Variants in PIBF1 observed in about 807,000 individuals in gnomAD.
PIBF1 encodes progesterone-induced-blocking factor 1.
A neutral mutation model predicts 112.5 loss-of-function variants in PIBF1; 90 were observed. That is an observed-to-expected ratio of 0.80 (90% CI 0.67 to 0.95). PIBF1 has a LOEUF of 0.95. Ranked by LOEUF, PIBF1 falls within the 40% of genes least tolerant of loss-of-function variation. The pLI is 0.00. For synonymous variants in PIBF1, 301 were observed against 288.6 expected (o/e 1.04, Z -0.44); for missense variants, 915 against 852.3 (o/e 1.07, Z -0.92).
chr13:72,833,866 G>C (rs1435166932), intron 8 of PIBF1, among the ~76,000 whole-genome samples: 5 of 152,128 alleles, frequency 3.3e-5, no homozygotes, highest in Non-Finnish European at 7.3e-5. Context: ...CCTTTCCCCA[G>C]GTGCTCTGTC....
chr13:72,863,025 T>C (rs1199784728), intron 10 of PIBF1, among the ~76,000 whole-genome samples: 1 of 152,196 alleles, frequency 6.6e-6, no homozygotes, highest in African/African-American at 2.4e-5. Context: ...AGAAATAGTG[T>C]TTGTACATAT....
At chr13:72,849,188 T>A (rs972954294) in intron 9 of PIBF1, among the ~76,000 whole-genome samples, 2 of 152,212 alleles carry the variant, frequency 1.3e-5, no homozygotes, top group Non-Finnish European at 2.9e-5. Context: ...GGAAACAACA[T>A]GAAAGAATCA....
rs375926172 is a variant in PIBF1 at position 72,790,159 on chromosome 13, G to T, written c.253-2288G>T. Among the ~76,000 whole-genome samples, 16 of 152,040 alleles carry T rather than the reference G, an allele frequency of 1.1e-4. No individual in the cohort carries two copies. The East Asian group carries it at 3.1e-3, about 29-fold the overall frequency. On this transcript the variant is annotated intron_variant, in intron 2 of 17. Transcript: ENST00000326291. ...AGACTATGTAGTCAGAAAAGCTATTGGCAAAGTTTAGCAGTTAAGAGTTAC... is the reference window on the plus strand; with the variant it reads ...AGACTATGTAGTCAGAAAAGCTATTTGCAAAGTTTAGCAGTTAAGAGTTAC...
At chr13:72,874,054 AC>A (rs2039290322) in intron 10 of PIBF1, among the ~76,000 whole-genome samples, 2 of 152,178 alleles carry the variant, frequency 1.3e-5, no homozygotes, top group Non-Finnish European at 2.9e-5. Context: ...TACCACTACA[AC>A]CACTAGAATG....
intron 17 of PIBF1, among the ~76,000 whole-genome samples, chr13:73,013,097 C>T (rs1465749229): frequency 2.7e-5 from 4 of 149,560 alleles, no homozygotes; most frequent in South Asian, 2.1e-4. Context: ...GTCAGGAGAT[C>T]GAGACCATCC....
At chr13:72,985,679 G>C (rs916137100) in intron 16 of PIBF1, among the ~76,000 whole-genome samples, 1 of 152,172 alleles carries the variant, frequency 6.6e-6, no homozygotes, top group Non-Finnish European at 1.5e-5. Flanking sequence ...CACTGATCCC[G>C]TATCAAGGAG....
rs1186108308 is a variant in PIBF1, at chr13:72,848,985, C to A, written c.1224-5072C>A. On this transcript the variant is annotated intron_variant, in intron 9 of 17. Transcript: ENST00000326291. ...GCACCCTCTTTTATTCTAAAAAGTG[C>A]ACCAGGTTGAAAAATACATTATTTG... Among the ~76,000 whole-genome samples the A allele has an allele frequency of 2.6e-5, 4 of 152,154 alleles. No individual in the cohort carries two copies. The East Asian group carries it at 7.7e-4, about 29-fold the overall frequency.
At chr13:72,789,040 A>G (rs1163941660) in intron 2 of PIBF1, among the ~76,000 whole-genome samples, 2 of 152,188 alleles carry the variant, frequency 1.3e-5, no homozygotes, top group Non-Finnish European at 2.9e-5. Context: ...AACTGAAAGA[A>G]TGTAGAAAAG....
Position 72,843,608 on chromosome 13 carries a change from C to T in PIBF1, c.1223+8240C>T, listed in dbSNP as rs551695604. Among the ~76,000 whole-genome samples the T allele has an allele frequency of 5.9e-5, 9 of 152,262 alleles. No individual in the cohort carries two copies. The South Asian group carries it at 1.9e-3, about 32-fold the overall frequency. On this transcript the variant is annotated intron_variant, in intron 9 of 17. Coordinates refer to ENST00000326291, the MANE Select transcript of PIBF1 (RefSeq NM_006346.4). ...TGTACTTTTAGTAGAGACGGGGTTT[C>T]GCCATGTTGGTCAGGCTGGTCTGGA...
At chr13:73,013,138 A>G (rs1285717490) in intron 17 of PIBF1, among the ~76,000 whole-genome samples, 1 of 151,574 alleles carries the variant, frequency 6.6e-6, no homozygotes, top group African/African-American at 2.4e-5. Flanking sequence ...CGTCTCTACT[A>G]AAAATACAAA....
chr13:72,823,678 ATAAAT>A (rs1283570283), intron 6 of PIBF1, among the ~76,000 whole-genome samples: 1 of 152,218 alleles, frequency 6.6e-6, no homozygotes, highest in African/African-American at 2.4e-5. Flanking sequence ...AGAATGGAAA[ATAAAT>A]TGAGATTTAC....
intron 5 of PIBF1, among the ~76,000 whole-genome samples, chr13:72,803,219 A>G (rs2035565259): frequency 6.6e-6 from 1 of 151,920 alleles, no homozygotes; most frequent in Non-Finnish European, 1.5e-5. Flanking sequence ...ACATGGAGCC[A>G]GGGAAGGCTT....
rs995009784 is a variant in PIBF1 at position 72,812,692 on chromosome 13, G to T, written c.673-9157G>T. Among the ~76,000 whole-genome samples the T allele has an allele frequency of 3.3e-5, 5 of 152,220 alleles. No homozygotes were observed. The South Asian group carries it at 1.0e-3, about 32-fold the overall frequency. On this transcript the variant is annotated intron_variant, in intron 5 of 17. Transcript: ENST00000326291. ...CCAGCTACTCGGGAGGCTGAGATGA[G>T]AGAATTGCTTGAACCTGGGAGCCAG...
chr13:72,812,453 C>G (rs1480879154), intron 5 of PIBF1, among the ~76,000 whole-genome samples: 5 of 152,052 alleles, frequency 3.3e-5, no homozygotes, highest in Non-Finnish European at 5.9e-5. Context: ...GTCAACTGTC[C>G]AGGCACAGTG....
At chr13:73,002,108 G>A (rs9530132) in intron 17 of PIBF1, among the ~76,000 whole-genome samples, 1 of 152,274 alleles carries the variant, frequency 6.6e-6, no homozygotes, top group African/African-American at 2.4e-5. Flanking sequence ...ACCACAGAAT[G>A]TAAGTGCCTT....
At chr13:72,996,089 G>GC (rs1156850423) in intron 16 of PIBF1, among the ~76,000 whole-genome samples, 2 of 111,004 alleles carry the variant, frequency 1.8e-5, no homozygotes, top group African/African-American at 7.3e-5. Context: ...AAAAAAAGCG[G>GC]GGGGGGGGGG....
At chr13:72,917,806 A>G (rs2138697919) in intron 13 of PIBF1, among the ~76,000 whole-genome samples, 1 of 152,340 alleles carries the variant, frequency 6.6e-6, no homozygotes, top group South Asian at 2.1e-4. Context: ...TAATACAGTT[A>G]TTCACATAGC....
chr13:72,853,239 ATTCT>A lies in PIBF1; in HGVS notation c.1224-813_1224-810del, dbSNP rs140838519. ...GCTCCCCTTAACTGACACTAAATGT[ATTCT>A]TTCTATCAATTTCAGTTCCTTCCTA... On this transcript the variant is annotated intron_variant, in intron 9 of 17. Coordinates refer to ENST00000326291, the MANE Select transcript of PIBF1 (RefSeq NM_006346.4). 8.6e-3 allele frequency among the ~76,000 whole-genome samples: 1,308 copies of A among 152,186 alleles called. 56 individuals are homozygous for A. Among genetic ancestry groups the A allele is most frequent in the East Asian group, 9.3e-3 (48 of 5,180 alleles).
intron 5 of PIBF1, among the ~76,000 whole-genome samples, chr13:72,808,479 ACT>A (rs1463486297): frequency 1.3e-5 from 2 of 151,694 alleles, no homozygotes; most frequent in Non-Finnish European, 2.9e-5. Flanking sequence ...TGTTGTTGAG[ACT>A]CTGCATTTTA....
Sources: allele counts gnomAD v4.1 joint callset (sites outside exome capture counted in the v4.1 genomes callset), GRCh38; gene constraint gnomAD v4.1.1; transcripts MANE v1.5; gene names NCBI Gene and HGNC (gene_info 2026-07-23, HGNC 2026-07-21).